IQSEC1: variants seen among roughly 807,000 people sequenced by gnomAD.
The protein encoded by IQSEC1 is IQ motif and Sec7 domain ArfGEF 1, also known as IQ motif and SEC7 domain-containing protein 1.
Under a neutral mutation model 91.0 loss-of-function variants are expected in IQSEC1, and 31 were observed. That is an observed-to-expected ratio of 0.34 (90% CI 0.26 to 0.46). The LOEUF (loss-of-function observed/expected upper bound fraction) is 0.46, where lower values mean the gene tolerates loss of function less well. Among genes scored for constraint, IQSEC1 ranks in the 20% least tolerant of loss-of-function variants. The pLI, the probability that IQSEC1 is intolerant of heterozygous loss-of-function variation, is 1.00. For missense variants in IQSEC1, 1,388 were observed against 1,575.6 expected (o/e 0.88, Z 2.02); for synonymous variants, 699 against 662.6 (o/e 1.05, Z -0.84).
At chr3:13,158,955 C>T (rs1449593921) in intron 2 of IQSEC1, among the ~76,000 whole-genome samples, 2 of 150,254 alleles carry the variant, frequency 1.3e-5, no homozygotes, top group African/African-American at 2.5e-5. Context: ...GAGTAGGACT[C>T]GGTCTCAAAA....
At chr3:12,944,395 C>T (rs956575649) in intron 1 of IQSEC1, among the ~76,000 whole-genome samples, 3 of 152,372 alleles carry the variant, frequency 2.0e-5, no homozygotes, top group East Asian at 1.9e-4. Flanking sequence ...TCTCAGACTT[C>T]AGGCCCCAGA....
Position 13,206,134 on chromosome 3 carries a change from AATCCCTCCATCCACCTATCC to A in IQSEC1, c.273-42021_273-42002del, listed in dbSNP as rs1445668792. On this transcript the variant is annotated intron_variant, in intron 1 of 15. Transcript: ENST00000648114. ...CTAGCTCTCCATCCATCCACTCATC[AATCCCTCCATCCACCTATCC>A]ATCCCTCCATCCACCCATCCACCCC... Among the ~76,000 whole-genome samples, 38 of 66,614 alleles carry A rather than the reference AATCCCTCCATCCACCTATCC, an allele frequency of 5.7e-4. 2 individuals are homozygous for A. Among genetic ancestry groups the A allele is most frequent in the Admixed American group, 1.8e-3 (12 of 6,834 alleles). The allele number at this position is 66,614 out of a possible 152,430, so 43.7% of individuals were successfully genotyped here.
rs372878744 is a variant in IQSEC1 at position 13,008,396 on chromosome 3, C to T, written c.23+64596G>A. Among the ~76,000 whole-genome samples the T allele has an allele frequency of 1.3e-5, 2 of 152,276 alleles. No homozygotes were observed. The highest frequency in any genetic ancestry group is 2.4e-5 in the African/African-American group (1 of 41,548). On this transcript the variant is annotated intron_variant, in intron 1 of 13. Coordinates refer to ENST00000613206, the MANE Select transcript of IQSEC1 (RefSeq NM_001134382.3). The surrounding 1 kb of genome is among the most constrained non-coding windows in gnomAD (Gnocchi z 4.1). Reference sequence around the variant, plus strand: ...CCAGACGTCCTCTCTGAGAGTGCTGCCATTAGTCTCCAAACCCTCTGTCCT... The same window carrying T: ...CCAGACGTCCTCTCTGAGAGTGCTGTCATTAGTCTCCAAACCCTCTGTCCT...
At chr3:12,952,517 C>A (rs1042768235) in intron 1 of IQSEC1, among the ~76,000 whole-genome samples, 2 of 152,178 alleles carry the variant, frequency 1.3e-5, no homozygotes, top group Admixed American at 6.5e-5. Flanking sequence ...CACATGCCAC[C>A]CCACCCCGCC....
At chr3:13,115,202 G>C (rs1289715291) in intron 2 of IQSEC1, among the ~76,000 whole-genome samples, 1 of 152,208 alleles carries the variant, frequency 6.6e-6, no homozygotes, top group Non-Finnish European at 1.5e-5. Context: ...TTCCCTACCT[G>C]GTCCTGGCCT....
intron 1 of IQSEC1, among the ~76,000 whole-genome samples, chr3:12,947,836 TCTC>T (rs1260167207): frequency 1.3e-5 from 2 of 152,236 alleles, no homozygotes; most frequent in Non-Finnish European, 2.9e-5. Context: ...TCTTCCCCCT[TCTC>T]CAGTTTTCCA....
At position 13,248,375 on chromosome 3, in the gene IQSEC1, A is replaced by G. The variant is rs113015145; in HGVS notation, c.272+34336T>C. Reference sequence around the variant, plus strand: ...CTCTGGACTTCCTGGCCTCATCCCCACCTCCCACCTGACTCCCACCTGTGC... The same window carrying G: ...CTCTGGACTTCCTGGCCTCATCCCCGCCTCCCACCTGACTCCCACCTGTGC... On this transcript the variant is annotated intron_variant, in intron 1 of 15. Coordinates refer to the IQSEC1 transcript ENST00000648114. Among the ~76,000 whole-genome samples, 1,168 of 151,424 alleles carry G rather than the reference A, an allele frequency of 7.7e-3. 7 individuals are homozygous for G. Among genetic ancestry groups the G allele is most frequent in the African/African-American group, 0.027 (1,103 of 41,194 alleles).
chr3:12,930,721 T>C (rs1697595253), intron 3 of IQSEC1, among the ~76,000 whole-genome samples: 1 of 152,122 alleles, frequency 6.6e-6, no homozygotes, highest in Non-Finnish European at 1.5e-5. Context: ...CCTCTTTGCT[T>C]AACCCAGTTT....
At chr3:12,973,321 G>C (rs1352488936) in intron 1 of IQSEC1, among the ~76,000 whole-genome samples, 1 of 152,128 alleles carries the variant, frequency 6.6e-6, no homozygotes, top group Non-Finnish European at 1.5e-5. Context: ...CACGTCCTGG[G>C]TTGTTGCTTC....
At chr3:13,233,605 G>A (rs1694871310) in intron 1 of IQSEC1, among the ~76,000 whole-genome samples, 1 of 152,162 alleles carries the variant, frequency 6.6e-6, no homozygotes, top group African/African-American at 2.4e-5. Flanking sequence ...CACCCAGCTC[G>A]ACATAACCCC....
intron 1 of IQSEC1, among the ~76,000 whole-genome samples, chr3:13,253,027 C>T (rs942387825): frequency 1.3e-5 from 2 of 152,194 alleles, no homozygotes; most frequent in Non-Finnish European, 2.9e-5. Flanking sequence ...CCACCGCACC[C>T]GGTCCCTTAT....
In IQSEC1 at chr3:12,935,843, ACTCTGC is replaced by A. The variant is rs762389251; in HGVS notation, c.1167_1172del (p.Arg389_Gln390del). On this transcript the variant is annotated inframe_deletion, in exon 3 of 14. Transcript: ENST00000613206. The surrounding 1 kb of genome is among the most constrained non-coding windows in gnomAD (Gnocchi z 8.0). The stretch of plus-strand genomic sequence containing the variant: ...GCCCGCCAAGGCTGCGCTCGTAAGC[ACTCTGC>A]CTCTTGAGTGACCCCCGCTCCGAGC... 6.2e-7 allele frequency: 1 copy of A among 1,607,996 alleles called. No individual in the cohort carries two copies. Among genetic ancestry groups the A allele is most frequent in the Non-Finnish European group, 8.5e-7 (1 of 1,179,802 alleles).
At chr3:13,246,801 CT>C (rs1246457476) in intron 1 of IQSEC1, among the ~76,000 whole-genome samples, 1 of 152,186 alleles carries the variant, frequency 6.6e-6, no homozygotes, top group African/African-American at 2.4e-5. Context: ...ACCTCCCTCC[CT>C]GCACGGACCG....
Position 13,210,335 on chromosome 3 carries a change from G to T in IQSEC1, c.273-46202C>A, listed in dbSNP as rs375755350. On this transcript the variant is annotated intron_variant, in intron 1 of 15. Coordinates refer to the IQSEC1 transcript ENST00000648114. Reference sequence around the variant, plus strand: ...GGGTGCCCTCCCAGGGCTCCAGTTCGGCTTCTCATCTAGCCCCGCACACTC... The same window carrying T: ...GGGTGCCCTCCCAGGGCTCCAGTTCTGCTTCTCATCTAGCCCCGCACACTC... Among the ~76,000 whole-genome samples the T allele has an allele frequency of 2.3e-3, 347 of 152,208 alleles. 1 individual carries two copies. The highest frequency in any genetic ancestry group is 6.6e-3 in the African/African-American group (276 of 41,512).
chr3:13,217,791 A>T (rs2125070468), intron 1 of IQSEC1, among the ~76,000 whole-genome samples: 1 of 152,368 alleles, frequency 6.6e-6, no homozygotes, highest in Middle Eastern at 3.4e-3. Context: ...TACTTGAAAT[A>T]GAAAAGAATG....
chr3:13,169,289 C>T (rs557833487), intron 1 of IQSEC1, among the ~76,000 whole-genome samples: 7 of 152,342 alleles, frequency 4.6e-5, no homozygotes, highest in South Asian at 2.1e-4. Context: ...ACGCCATCCA[C>T]GTAAGATGTG....
chr3:13,216,039 G>A (rs1427859495), intron 1 of IQSEC1, among the ~76,000 whole-genome samples: 1 of 152,202 alleles, frequency 6.6e-6, no homozygotes, highest in East Asian at 1.9e-4. Context: ...CCTCAAAGAC[G>A]GGTAGAGCCA....
chr3:13,250,419 C>CTT (rs201786837), intron 1 of IQSEC1, among the ~76,000 whole-genome samples: 5,897 of 147,096 alleles, frequency 0.04, 397 homozygotes, highest in African/African-American at 0.13. Flanking sequence ...GCCCCACTTT[C>CTT]CTTTTTTTTT....
intron 1 of IQSEC1, among the ~76,000 whole-genome samples, chr3:13,065,029 T>A (rs1705188461): frequency 6.6e-6 from 1 of 152,204 alleles, no homozygotes. Context: ...TCAGGCCCAG[T>A]CCCACCAGCC....
Sources: allele counts gnomAD v4.1 joint callset (sites outside exome capture counted in the v4.1 genomes callset), GRCh38; gene constraint gnomAD v4.1.1; non-coding constraint Gnocchi (gnomAD v3.1); transcripts MANE v1.5; gene names NCBI Gene and HGNC (gene_info 2026-07-23, HGNC 2026-07-21).